The following EDEM3 variants were observed in gnomAD, a reference collection of about 807,000 sequenced individuals.
EDEM3 encodes ER degradation-enhancing alpha-mannosidase-like protein 3.
Under a neutral mutation model 110.2 loss-of-function variants are expected in EDEM3, and 60 were observed. That is an observed-to-expected ratio of 0.54 (90% CI 0.44 to 0.67). The LOEUF (loss-of-function observed/expected upper bound fraction) is 0.67, where lower values mean the gene tolerates loss of function less well. Among genes scored for constraint, EDEM3 ranks in the 30% least tolerant of loss-of-function variants. The pLI, the probability that EDEM3 is intolerant of heterozygous loss-of-function variation, is 0.00. For missense variants in EDEM3, 996 were observed against 1,121.0 expected (o/e 0.89, Z 1.59); for synonymous variants, 352 against 382.9 (o/e 0.92, Z 0.94).
At position 184,726,331 on chromosome 1, in the gene EDEM3, G is replaced by C; in HGVS notation, c.671C>G (p.Thr224Ser). Residue 224 changes from threonine to serine, a missense_variant, in exon 7 of 20, where the codon ACC becomes AGC. Coordinates refer to ENST00000318130, the MANE Select transcript of EDEM3 (RefSeq NM_025191.4). ...PEARTGTETD[T>S]CTACAGTLIL... ...CAAGGTACCTGCACAAGCTGTACAGGTATCTGTCTCAGTTCCTGTCCGAGC... is the reference window on the plus strand; with the variant it reads ...CAAGGTACCTGCACAAGCTGTACAGCTATCTGTCTCAGTTCCTGTCCGAGC... 1 of 1,613,868 alleles carries C rather than the reference G, an allele frequency of 6.2e-7. No individual in the cohort carries two copies. The highest frequency in any genetic ancestry group is 8.5e-7 in the Non-Finnish European group (1 of 1,179,882).
chr1:184,742,771 C>T (rs1431156460), intron 2 of EDEM3, among the ~76,000 whole-genome samples: 1 of 152,120 alleles, frequency 6.6e-6, no homozygotes, highest in Non-Finnish European at 1.5e-5. Flanking sequence ...AACTGATTTC[C>T]CAGAATGTAC....
At position 184,696,813 on chromosome 1, in the gene EDEM3, G is replaced by A. The variant is rs187625098; in HGVS notation, c.2390-2341C>T. 2.4e-4 allele frequency among the ~76,000 whole-genome samples: 37 copies of A among 152,102 alleles called. No individual in the cohort carries two copies. In the East Asian group the frequency reaches 7.1e-3, roughly 29 times the overall value. On this transcript the variant is annotated intron_variant, in intron 19 of 19. Transcript: ENST00000318130. ...TTCTAGATTGTATTATTCCAGATTAGAAGGAGAGGAAAAGGTGTAGGGTTG... is the reference window on the plus strand; with the variant it reads ...TTCTAGATTGTATTATTCCAGATTAAAAGGAGAGGAAAAGGTGTAGGGTTG...
rs1651616963 is a variant in EDEM3 at position 184,733,062 on chromosome 1, G to A, written c.459-72C>T. 3 of 1,469,048 alleles carry A rather than the reference G, an allele frequency of 2.0e-6. No individual in the cohort carries two copies. The East Asian group carries it at 7.0e-5, about 34-fold the overall frequency. 91.0% of individuals were successfully genotyped at this position (1,469,048 alleles called of 1,614,324 possible). On this transcript the variant is annotated intron_variant, in intron 5 of 19. Transcript: ENST00000318130. ...AAAGTTACCATCTAAAAAGGTGTGG[G>A]TACTTTGTTATACAATTTAACATAT... is the stretch of plus-strand genomic sequence containing the variant.
rs1571336014 is a variant in EDEM3 at position 184,692,853 on chromosome 1, T to C, written c.*1210A>G. 1 of 146,812 alleles carries C rather than the reference T, an allele frequency of 6.8e-6. No individual in the cohort carries two copies. The highest frequency in any genetic ancestry group is 3.5e-3 in the Middle Eastern group (1 of 286). The allele number at this position is 146,812 out of a possible 1,614,324, so 9.1% of individuals were successfully genotyped here. Reference sequence around the variant, plus strand: ...ATAGCTATATGTAGTTGTATTGTACTTTTTTTTTTAAACACAGGTCACCAT... The same window carrying C: ...ATAGCTATATGTAGTTGTATTGTACCTTTTTTTTTAAACACAGGTCACCAT... On this transcript the variant is annotated 3_prime_UTR_variant, in exon 20 of 20. Transcript: ENST00000318130.
Position 184,726,351 on chromosome 1 carries a change from C to T in EDEM3, c.651G>A (p.Arg217=). ...TACAGGTATCTGTCTCAGTTCCTGT[C>T]CGAGCTTCTGGTTTTCTGATGCCAA... The part of the protein sequence containing the change: ...LKFGIRKPEA[R]TGTETDTCTA... The change falls in exon 7 of 20, where the codon CGG becomes CGA. Residue 217 remains arginine (R), a synonymous_variant. Transcript: ENST00000318130. The T allele has an allele frequency of 6.2e-7, 1 of 1,613,624 alleles. No homozygotes were observed. The highest frequency in any genetic ancestry group is 8.5e-7 in the Non-Finnish European group (1 of 1,179,758).
chr1:184,716,867 G>A, intron 13 of EDEM3, 21 bp downstream of exon 13: 1 of 1,611,804 alleles, frequency 6.2e-7, no homozygotes, highest in Non-Finnish European at 8.5e-7. Context: ...TGAGGAAAGA[G>A]GATGTTAGCA....
At chr1:184,697,048 A>T (rs865775092) in intron 19 of EDEM3, among the ~76,000 whole-genome samples, 58 of 151,780 alleles carry the variant, frequency 3.8e-4, no homozygotes, top group South Asian at 6.2e-4. Flanking sequence ...TAGAATTGAT[A>T]AAAAAAATTT....
intron 7 of EDEM3, 61 bp from the exon 8 acceptor site, chr1:184,723,917 G>T: frequency 1.6e-6 from 2 of 1,260,700 alleles, no homozygotes; most frequent in Non-Finnish European, 2.1e-6. Flanking sequence ...AAGTCTCTTT[G>T]GCAAATAGGA....
chr1:184,754,698 A>G lies in EDEM3; in HGVS notation c.-52T>C. 2 of 1,477,672 alleles carry G rather than the reference A, an allele frequency of 1.4e-6. No homozygotes were observed. Among genetic ancestry groups the G allele is most frequent in the Non-Finnish European group, 1.8e-6 (2 of 1,117,304 alleles). 91.5% of individuals were successfully genotyped at this position (1,477,672 alleles called of 1,614,324 possible). ...CTGCTACGCCCGGCCGGTGAGACAC[A>G]TTGCTGGACGCTGGTGGCCAGGGGG... On this transcript the variant is annotated 5_prime_UTR_variant, in exon 1 of 20. It removes an upstream start codon present in the reference 5' UTR. Coordinates refer to ENST00000318130, the MANE Select transcript of EDEM3 (RefSeq NM_025191.4).
At chr1:184,720,998 C>A in intron 9 of EDEM3, 1 of 245,790 alleles carries the variant, frequency 4.1e-6, no homozygotes, top group Non-Finnish European at 7.7e-6. Context: ...TTCAATAATT[C>A]TTATCCTTGT....
At chr1:184,746,512 GT>G (rs1652439766) in intron 2 of EDEM3, among the ~76,000 whole-genome samples, 1 of 152,180 alleles carries the variant, frequency 6.6e-6, no homozygotes, top group East Asian at 1.9e-4. Context: ...CCAGATATTA[GT>G]TCTAAGCACT....
chr1:184,715,227 A>C (rs1374925669), intron 13 of EDEM3, among the ~76,000 whole-genome samples: 1 of 152,196 alleles, frequency 6.6e-6, no homozygotes, highest in Non-Finnish European at 1.5e-5. Flanking sequence ...AGAATGGGGC[A>C]ATGTCAGTGG....
chr1:184,751,404 A>G (rs900887382), intron 1 of EDEM3, among the ~76,000 whole-genome samples: 1 of 152,154 alleles, frequency 6.6e-6, no homozygotes, highest in Non-Finnish European at 1.5e-5. Flanking sequence ...CAAATGACAT[A>G]AGCTTTAACT....
intron 6 of EDEM3, 46 bp downstream of exon 6, chr1:184,732,791 C>A: frequency 1.3e-6 from 2 of 1,549,076 alleles, no homozygotes; most frequent in Admixed American, 1.9e-5. Flanking sequence ...TTTTGTAAAA[C>A]AGCAAAGAAA....
At chr1:184,702,738 A>G in intron 19 of EDEM3, 73 bp downstream of exon 19, 2 of 1,263,820 alleles carry the variant, frequency 1.6e-6, no homozygotes, top group Non-Finnish European at 2.1e-6. Flanking sequence ...ATTTTTTGTG[A>G]CTCATTCTTG....
At chr1:184,738,444 T>C (rs1231210824) in intron 2 of EDEM3, among the ~76,000 whole-genome samples, 1 of 152,134 alleles carries the variant, frequency 6.6e-6, no homozygotes, top group Non-Finnish European at 1.5e-5. Context: ...AACATGGAGG[T>C]TGATTTCAAT....
Position 184,702,882 on chromosome 1 carries a change from C to T in EDEM3, c.2318G>A (p.Ser773Asn), listed in dbSNP as rs770673753. 6.2e-7 allele frequency: 1 copy of T among 1,613,484 alleles called. No homozygotes were observed. Among genetic ancestry groups the T allele is most frequent in the East Asian group, 2.2e-5 (1 of 44,828 alleles). ...PMLFLFSKEG[S>N]IILDAIREYE... ...TTCCCGGATGGCATCCAGTATGATA[C>T]TTCCTTCTTTGCTGAATAAGAACAG... is the stretch of plus-strand genomic sequence containing the variant. The change falls in exon 19 of 20, where the codon AGT becomes AAT. Residue 773 changes from serine to asparagine, a missense_variant. Ser to Asn is a conservative substitution (Grantham distance 46). This residue lies in a region of EDEM3 where 345 missense variants were observed against 402.0 expected (regional missense o/e 0.86). Transcript: ENST00000318130.
At chr1:184,710,656 T>A in intron 15 of EDEM3, 109 bp from the exon 16 acceptor site, 1 of 1,276,388 alleles carries the variant, frequency 7.8e-7, no homozygotes, top group Non-Finnish European at 1.1e-6. Context: ...GTTTTAGAAC[T>A]AGTGAAACTG....
intron 2 of EDEM3, among the ~76,000 whole-genome samples, chr1:184,744,095 A>T (rs1652285813): frequency 6.6e-6 from 1 of 151,548 alleles, no homozygotes; most frequent in African/African-American, 2.4e-5. Context: ...ATTGATCATA[A>T]TTTAAAGTAT....
Sources: gnomAD v4.1 joint callset for allele counts (sites outside exome capture counted in the v4.1 genomes callset) on GRCh38, gnomAD v4.1.1 for gene constraint, gnomAD v4.1.1 regional missense constraint, MANE v1.5 for transcripts, NCBI Gene and HGNC (gene_info 2026-07-23, HGNC 2026-07-21) for gene names.